The following ADGRF5 variants were observed in gnomAD, a reference collection of about 807,000 sequenced individuals.
ADGRF5 encodes G-protein coupled receptor 116.
ADGRF5 carries 75 observed loss-of-function variants against 132.3 expected under a neutral mutation model. That is an observed-to-expected ratio of 0.57 (90% CI 0.47 to 0.69). ADGRF5 has a LOEUF of 0.69. Among genes scored for constraint, ADGRF5 ranks in the 30% least tolerant of loss-of-function variants. ADGRF5 has a pLI of 0.00. For synonymous variants in ADGRF5, 629 were observed against 597.6 expected (o/e 1.05, Z -0.77); for missense variants, 1,516 against 1,630.6 (o/e 0.93, Z 1.21).
At chr6:46,901,663 AG>A (rs1774778401) in intron 2 of ADGRF5, among the ~76,000 whole-genome samples, 1 of 152,188 alleles carries the variant, frequency 6.6e-6, no homozygotes. Flanking sequence ...ATTCAAACCC[AG>A]CCAGCTCCAG....
intron 20 of ADGRF5, 120 bp from the exon 21 acceptor site, chr6:46,854,191 C>T: frequency 1.6e-6 from 1 of 641,174 alleles, no homozygotes; most frequent in African/African-American, 1.9e-5. Flanking sequence ...TCGGCCATGC[C>T]TGGAAACCAA....
chr6:46,895,002 C>A (rs903717342), intron 3 of ADGRF5, among the ~76,000 whole-genome samples: 7 of 152,066 alleles, frequency 4.6e-5, no homozygotes, highest in African/African-American at 1.7e-4. Flanking sequence ...CACAGTGAAA[C>A]CTGTTTCTAC....
intron 1 of ADGRF5, among the ~76,000 whole-genome samples, chr6:46,930,550 C>T (rs577944779): frequency 1.3e-5 from 2 of 151,982 alleles, no homozygotes; most frequent in South Asian, 2.1e-4. Context: ...ATGGTATTTC[C>T]GAGAGCAGTT....
chr6:46,870,536 T>C (rs929114217), intron 11 of ADGRF5, among the ~76,000 whole-genome samples: 2 of 152,194 alleles, frequency 1.3e-5, no homozygotes, highest in Non-Finnish European at 2.9e-5. Flanking sequence ...GGGATTCAAA[T>C]GTTCAGACAG....
At chr6:46,869,489 A>G (rs777397093) in intron 11 of ADGRF5, 13 of 444,772 alleles carry the variant, frequency 2.9e-5, no homozygotes, top group Admixed American at 6.4e-5. Flanking sequence ...AACAATCTCA[A>G]TCTCTACTCT....
At chr6:46,861,895 T>C (rs1276641916) in intron 15 of ADGRF5, among the ~76,000 whole-genome samples, 1 of 152,216 alleles carries the variant, frequency 6.6e-6, no homozygotes, top group African/African-American at 2.4e-5. Flanking sequence ...AATTTATATC[T>C]CTCATGCCTC....
At chr6:46,936,859 G>A (rs1035678162) in intron 1 of ADGRF5, among the ~76,000 whole-genome samples, 1 of 152,112 alleles carries the variant, frequency 6.6e-6, no homozygotes, top group Non-Finnish European at 1.5e-5. Context: ...TTTTCTCCCC[G>A]CCAACTCCTT....
intron 12 of ADGRF5, among the ~76,000 whole-genome samples, chr6:46,867,761 G>A (rs1230044074): frequency 2.0e-5 from 3 of 150,894 alleles, no homozygotes; most frequent in Non-Finnish European, 2.9e-5. Context: ...GAGGGCGAAC[G>A]AGCAAAGAAA....
intron 10 of ADGRF5, among the ~76,000 whole-genome samples, chr6:46,874,194 A>T (rs1363511213): frequency 6.6e-6 from 1 of 152,184 alleles, no homozygotes; most frequent in Non-Finnish European, 1.5e-5. Context: ...ATATTCAATT[A>T]TTCACAGTGT....
chr6:46,895,927 C>T (rs1317829495), intron 3 of ADGRF5, among the ~76,000 whole-genome samples: 1 of 152,086 alleles, frequency 6.6e-6, no homozygotes, highest in Non-Finnish European at 1.5e-5. Context: ...CCCAAAGCAC[C>T]ATCTCCTAGG....
chr6:46,944,966 C>T (rs991459117), intron 1 of ADGRF5, among the ~76,000 whole-genome samples: 3 of 152,152 alleles, frequency 2.0e-5, no homozygotes, highest in Non-Finnish European at 4.4e-5. Context: ...TCAGACAGGT[C>T]AGTAAATCAA....
At chr6:46,854,542 C>T (rs1164869999) in intron 20 of ADGRF5, among the ~76,000 whole-genome samples, 2 of 152,034 alleles carry the variant, frequency 1.3e-5, no homozygotes, top group Non-Finnish European at 2.9e-5. Context: ...AAAGCAGGAC[C>T]AGAAAAGAAG....
upstream of ADGRF5, among the ~76,000 whole-genome samples, chr6:46,922,154 G>A (rs945689320): frequency 1.3e-5 from 2 of 152,144 alleles, no homozygotes; most frequent in African/African-American, 4.8e-5. Flanking sequence ...CAAAACCAGA[G>A]CAAACCAAAC....
Position 46,854,026 on chromosome 6 carries a change from TC to T in ADGRF5, c.4006del (p.Glu1336LysfsTer20). ...CAACGAAGAAGCACTGGATGAGTTT[TC>T]CAGGGATGAGCTGGTTGCTTCTGGG... is the stretch of plus-strand genomic sequence containing the variant. ...STPEATSSSL[E>X]NSSSASSLLN On this transcript the variant is annotated frameshift_variant, in exon 21 of 21. Transcript: ENST00000283296. LOFTEE classifies it high-confidence loss of function. The T allele has an allele frequency of 6.2e-7, 1 of 1,605,666 alleles. No individual in the cohort carries two copies.
At chr6:46,898,316 A>C (rs1217121315) in intron 3 of ADGRF5, among the ~76,000 whole-genome samples, 3 of 152,234 alleles carry the variant, frequency 2.0e-5, no homozygotes, top group African/African-American at 7.2e-5. Flanking sequence ...ACTGGCCAGT[A>C]GTTTGATTTT....
chr6:46,877,271 C>CTT (rs1222758088), intron 10 of ADGRF5, among the ~76,000 whole-genome samples: 2 of 42,996 alleles, frequency 4.7e-5, no homozygotes, highest in Non-Finnish European at 8.8e-5. Context: ...TTCTTTCTTT[C>CTT]TTTCTTTCTT....
rs779489934 is a variant in ADGRF5 at position 46,871,979 on chromosome 6, G to T, written c.1275C>A (p.Ser425Arg). ...TPETDIDSSC[S>R]RYTLKADGTQ... ...TTCCATCAGCCTTGAGGGTGTATCT[G>T]CTGCAGCTAGAATCTATGTCTGTCT... The change falls in exon 11 of 21, where the codon AGC becomes AGA. Residue 425 changes from serine (S) to arginine (R), a missense_variant. Transcript: ENST00000283296. 6.2e-7 allele frequency: 1 copy of T among 1,610,980 alleles called. No individual in the cohort carries two copies. The highest frequency in any genetic ancestry group is 1.1e-5 in the South Asian group (1 of 90,588).
At chr6:46,918,647 G>A (rs1490488525) in intron 1 of ADGRF5, among the ~76,000 whole-genome samples, 1 of 152,212 alleles carries the variant, frequency 6.6e-6, no homozygotes, top group African/African-American at 2.4e-5. Context: ...GTCTTAGGGA[G>A]CCAACATATC....
intron 1 of ADGRF5, among the ~76,000 whole-genome samples, chr6:46,950,597 C>T (rs1778461708): frequency 6.6e-6 from 1 of 152,184 alleles, no homozygotes; most frequent in Non-Finnish European, 1.5e-5. Context: ...TCACTGAAAC[C>T]TCCGCCTCCC....
Sources: gnomAD v4.1 joint callset for allele counts (sites outside exome capture counted in the v4.1 genomes callset) on GRCh38, gnomAD v4.1.1 for gene constraint, MANE v1.5 for transcripts, NCBI Gene and HGNC (gene_info 2026-07-23, HGNC 2026-07-21) for gene names.